The following TTC28 variants were observed in gnomAD, a reference collection of about 807,000 sequenced individuals.
The protein encoded by TTC28 is tetratricopeptide repeat protein 28.
TTC28 carries 61 observed loss-of-function variants against 198.0 expected under a neutral mutation model. The observed-to-expected ratio is 0.31, with a 90% confidence interval of 0.25 to 0.38. The LOEUF (loss-of-function observed/expected upper bound fraction) is 0.38, where lower values mean the gene tolerates loss of function less well. Ranked by LOEUF, TTC28 falls within the 10% of genes least tolerant of loss-of-function variation. The pLI is 1.00. For synonymous variants in TTC28, 1,171 were observed against 1,297.8 expected (o/e 0.90, Z 2.10); for missense variants, 2,678 against 3,164.0 (o/e 0.85, Z 3.69).
At chr22:28,357,636 C>T (rs2046099077) in intron 2 of TTC28, among the ~76,000 whole-genome samples, 1 of 152,076 alleles carries the variant, frequency 6.6e-6, no homozygotes, top group African/African-American at 2.4e-5. Context: ...CTGTCAATTC[C>T]AGACAGATTT....
chr22:28,607,617 TG>T (rs2050754659), intron 2 of TTC28, among the ~76,000 whole-genome samples: 1 of 152,212 alleles, frequency 6.6e-6, no homozygotes, highest in Non-Finnish European at 1.5e-5. Flanking sequence ...CATGCACAGA[TG>T]TTAAGACTTT....
intron 5 of TTC28, among the ~76,000 whole-genome samples, chr22:28,270,434 C>T (rs1339815683): frequency 6.6e-6 from 1 of 151,954 alleles, no homozygotes; most frequent in African/African-American, 2.4e-5. Context: ...TCAGACATTG[C>T]CTAACAAATG....
chr22:28,494,845 A>G (rs1015753396), intron 2 of TTC28, among the ~76,000 whole-genome samples: 1 of 152,116 alleles, frequency 6.6e-6, no homozygotes, highest in African/African-American at 2.4e-5. Flanking sequence ...CTGACTCAAG[A>G]AGAAAAAAAA....
At chr22:28,321,463 G>A (rs2045444528) in intron 2 of TTC28, among the ~76,000 whole-genome samples, 1 of 152,166 alleles carries the variant, frequency 6.6e-6, no homozygotes, top group African/African-American at 2.4e-5. Context: ...TGATTTAGAG[G>A]TTAATTGCAC....
At chr22:28,145,170 C>A (rs1371060122) in intron 6 of TTC28, among the ~76,000 whole-genome samples, 2 of 152,194 alleles carry the variant, frequency 1.3e-5, no homozygotes. Context: ...TCCTTAGAGT[C>A]ATATTAATAC....
chr22:28,381,939 A>C (rs1212045415), intron 2 of TTC28, among the ~76,000 whole-genome samples: 7 of 152,196 alleles, frequency 4.6e-5, no homozygotes, highest in Admixed American at 4.6e-4. Flanking sequence ...TTTGAGGTGC[A>C]CTGGGCACTG....
At chr22:28,544,858 A>C (rs1228636245) in intron 2 of TTC28, among the ~76,000 whole-genome samples, 1 of 152,172 alleles carries the variant, frequency 6.6e-6, no homozygotes, top group African/African-American at 2.4e-5. Context: ...AAAGGGGAGG[A>C]ACCCTTAGTT....
At chr22:28,067,900 C>T (rs538991822) in intron 12 of TTC28, among the ~76,000 whole-genome samples, 82 of 152,222 alleles carry the variant, frequency 5.4e-4, no homozygotes, top group Non-Finnish European at 1.1e-3. Context: ...TTGATTTAGG[C>T]AGCTTCAGAT....
chr22:28,034,226 C>T (rs1601541001), intron 12 of TTC28, among the ~76,000 whole-genome samples: 1 of 152,080 alleles, frequency 6.6e-6, no homozygotes, highest in South Asian at 2.1e-4. Context: ...GAGGATAACT[C>T]GAGGGAGACA....
At chr22:28,082,959 T>C (rs1371236040) in intron 12 of TTC28, among the ~76,000 whole-genome samples, 1 of 152,190 alleles carries the variant, frequency 6.6e-6, no homozygotes, top group African/African-American at 2.4e-5. Context: ...TATTTCTTCA[T>C]GATTCAGTCT....
chr22:28,137,612 T>C (rs1238904170), intron 6 of TTC28, among the ~76,000 whole-genome samples: 1 of 152,100 alleles, frequency 6.6e-6, no homozygotes, highest in Non-Finnish European at 1.5e-5. Context: ...GAATTCTGCC[T>C]GCATGAATAA....
intron 2 of TTC28, among the ~76,000 whole-genome samples, chr22:28,424,586 A>C (rs1182781351): frequency 6.6e-6 from 1 of 152,224 alleles, no homozygotes; most frequent in Non-Finnish European, 1.5e-5. Flanking sequence ...CTTTGAATAC[A>C]GTACCAGGTA....
At chr22:28,175,733 C>CA (rs910911584) in intron 5 of TTC28, among the ~76,000 whole-genome samples, 2 of 149,118 alleles carry the variant, frequency 1.3e-5, no homozygotes, top group Admixed American at 6.7e-5. Context: ...AACTCTGTCT[C>CA]AAAAAAAAAT....
At chr22:28,060,841 G>C (rs183863911) in intron 12 of TTC28, among the ~76,000 whole-genome samples, 14 of 152,282 alleles carry the variant, frequency 9.2e-5, no homozygotes, top group Admixed American at 7.8e-4. Flanking sequence ...CACCAACAGT[G>C]TAAAAGTGTT....
intron 12 of TTC28, among the ~76,000 whole-genome samples, chr22:28,032,257 A>G (rs1939155851): frequency 1.7e-4 from 15 of 86,784 alleles, no homozygotes; most frequent in East Asian, 1.6e-3. Context: ...TAAAATATAT[A>G]TATATATATA....
chr22:28,611,278 T>C (rs577693860), intron 2 of TTC28, among the ~76,000 whole-genome samples: 1 of 152,016 alleles, frequency 6.6e-6, no homozygotes, highest in South Asian at 2.1e-4. Context: ...TTTACCAAGG[T>C]TGAAATGAAG....
At chr22:28,392,870 C>CTTTTTTTT (rs1245558034) in intron 2 of TTC28, among the ~76,000 whole-genome samples, 10 of 80,686 alleles carry the variant, frequency 1.2e-4, no homozygotes, top group Admixed American at 3.9e-4. Context: ...TTCCTCCCTC[C>CTTTTTTTT]TTTTTTTTTT....
chr22:28,230,956 T>G (rs1201184167), intron 5 of TTC28, among the ~76,000 whole-genome samples: 1 of 152,186 alleles, frequency 6.6e-6, no homozygotes, highest in South Asian at 2.1e-4. Flanking sequence ...TGATGAAAAA[T>G]GTATCAAGTG....
chr22:28,071,748 G>A (rs202081504), intron 12 of TTC28, among the ~76,000 whole-genome samples: 1,531 of 90,730 alleles, frequency 0.017, 30 homozygotes, highest in African/African-American at 0.052. Flanking sequence ...AAAAAAAAAG[G>A]AAAAAAAAAA....
Sources: allele counts gnomAD v4.1 joint callset (sites outside exome capture counted in the v4.1 genomes callset), GRCh38; gene constraint gnomAD v4.1.1; transcripts MANE v1.5; gene names NCBI Gene and HGNC (gene_info 2026-07-23, HGNC 2026-07-21).